ST8SIA5: variants seen among roughly 807,000 people sequenced by gnomAD.
The protein encoded by ST8SIA5 is ST8 alpha-N-acetyl-neuraminide alpha-2,8-sialyltransferase 5.
A neutral mutation model predicts 40.2 loss-of-function variants in ST8SIA5; 24 were observed. That is an observed-to-expected ratio of 0.60 (90% confidence interval 0.43 to 0.84). The LOEUF (loss-of-function observed/expected upper bound fraction) is 0.84, where lower values mean the gene tolerates loss of function less well. ST8SIA5 is among the 40% of genes least tolerant of loss of function. ST8SIA5 has a pLI of 0.00. For missense variants in ST8SIA5, 465 were observed against 498.5 expected, an observed-to-expected ratio of 0.93 and a Z score of 0.64; for synonymous variants, 198 against 201.8, an observed-to-expected ratio of 0.98 and a Z score of 0.16.
intron 1 of ST8SIA5, among the ~76,000 whole-genome samples, chr18:46,745,332 G>GA (rs1223087542): frequency 2.0e-5 from 3 of 150,492 alleles, no homozygotes; most frequent in Non-Finnish European, 4.4e-5. Flanking sequence ...AACCAATAAA[G>GA]AAAAAAAAGA....
chr18:46,680,114 C>T lies in ST8SIA5; in HGVS notation c.1059G>A (p.Glu353=), dbSNP rs147438446. 544 of 1,614,184 alleles carry T rather than the reference C, an allele frequency of 3.4e-4. No homozygotes were observed. The highest frequency in any genetic ancestry group is 4.4e-4 in the Non-Finnish European group (516 of 1,180,040). ...PRPGFHAMPS[E]IFNFLHLHSR... is the part of the protein sequence containing the mutation. ...TGTGCAAGTGCAGGAAGTTGAAGAT[C>T]TCAGAGGGCATGGCGTGGAAGCCGG... is the stretch of plus-strand genomic sequence containing the variant. Residue 353 remains glutamate, a synonymous_variant, in exon 7 of 7, where the codon GAG becomes GAA. Coordinates refer to ENST00000315087, the MANE Select transcript of ST8SIA5 (RefSeq NM_013305.6).
intron 1 of ST8SIA5, chr18:46,723,303 G>C: frequency 6.6e-6 from 1 of 152,454 alleles, no homozygotes. Context: ...TATAATCCCA[G>C]CACTTTGGGA....
intron 1 of ST8SIA5, among the ~76,000 whole-genome samples, chr18:46,719,481 T>C (rs1157754597): frequency 6.6e-6 from 1 of 151,972 alleles, no homozygotes; most frequent in African/African-American, 2.4e-5. Context: ...GTGAGGGCTA[T>C]GAGAAGTTAC....
chr18:46,743,738 A>C (rs1364942531), intron 1 of ST8SIA5, among the ~76,000 whole-genome samples: 1 of 149,102 alleles, frequency 6.7e-6, no homozygotes, highest in Non-Finnish European at 1.5e-5. Context: ...CTCCTTGAGA[A>C]GAGCAACCCC....
At chr18:46,732,101 C>G (rs1422247915) in intron 1 of ST8SIA5, among the ~76,000 whole-genome samples, 5 of 152,188 alleles carry the variant, frequency 3.3e-5, no homozygotes, top group Non-Finnish European at 7.4e-5. Context: ...TTTCCCAGTT[C>G]TTAAAGGTTG....
In ST8SIA5 at chr18:46,670,808, T is replaced by C; in HGVS notation, c.*9234A>G. 1 of 152,154 alleles carries C rather than the reference T, an allele frequency of 6.6e-6. No individual in the cohort carries two copies. Among genetic ancestry groups the C allele is most frequent in the Admixed American group, 6.5e-5 (1 of 15,286 alleles). 9.4% of individuals were successfully genotyped at this position (152,154 alleles called of 1,614,324 possible). A position where few individuals can be genotyped will look rare whatever the true frequency, so the allele number is the denominator to read the frequency against. The stretch of plus-strand genomic sequence containing the variant: ...CGTTGAACAAGTAAACTAGTTTTGG[T>C]CTTCTTAATGCCATCACAATTTAGG... On this transcript the variant is annotated 3_prime_UTR_variant, in exon 7 of 7. Coordinates refer to ENST00000315087, the MANE Select transcript of ST8SIA5 (RefSeq NM_013305.6).
At chr18:46,690,095 G>A (rs992960708) in intron 3 of ST8SIA5, among the ~76,000 whole-genome samples, 3 of 152,192 alleles carry the variant, frequency 2.0e-5, no homozygotes, top group African/African-American at 7.2e-5. Flanking sequence ...AGCTTTGCTA[G>A]TTCAGAAGCT....
In ST8SIA5 at chr18:46,670,757, T is replaced by G. The variant is rs570245377; in HGVS notation, c.*9285A>C. ...ATATTTTCTTATCCTTAATGTAGTG[T>G]TTTTTTTTTTCCAAAGACAAGCTGT... On this transcript the variant is annotated 3_prime_UTR_variant, in exon 7 of 7. Transcript: ENST00000315087. 3.3e-4 allele frequency: 40 copies of G among 122,070 alleles called. No homozygotes were observed. The highest frequency in any genetic ancestry group is 1.1e-3 in the Admixed American group (13 of 12,244). 7.6% of individuals were successfully genotyped at this position (122,070 alleles called of 1,614,324 possible). A position where few individuals can be genotyped will look rare whatever the true frequency, so the allele number is the denominator to read the frequency against.
intron 2 of ST8SIA5, among the ~76,000 whole-genome samples, chr18:46,699,138 G>A (rs975273627): frequency 6.6e-6 from 1 of 152,224 alleles, no homozygotes; most frequent in South Asian, 2.1e-4. Flanking sequence ...ACGCATGGAT[G>A]ACAGAAGCGA....
chr18:46,699,533 C>A (rs1310332600), intron 2 of ST8SIA5, among the ~76,000 whole-genome samples: 1 of 152,076 alleles, frequency 6.6e-6, no homozygotes, highest in Non-Finnish European at 1.5e-5. Flanking sequence ...GCGCCTGCTA[C>A]TACGCCTGGC....
At chr18:46,717,555 C>G (rs1333771039) in intron 1 of ST8SIA5, among the ~76,000 whole-genome samples, 3 of 152,052 alleles carry the variant, frequency 2.0e-5, no homozygotes, top group African/African-American at 7.2e-5. Context: ...CTTTTTATAC[C>G]TCACCCCCAC....
chr18:46,754,287 A>G (rs2040221462), intron 1 of ST8SIA5, among the ~76,000 whole-genome samples: 1 of 152,038 alleles, frequency 6.6e-6, no homozygotes, highest in Non-Finnish European at 1.5e-5. Context: ...TTGGATGTGC[A>G]TGCCCCCTGC....
At position 46,673,750 on chromosome 18, in the gene ST8SIA5, T is replaced by C. The variant is rs757425155; in HGVS notation, c.*6292A>G. On this transcript the variant is annotated 3_prime_UTR_variant, in exon 7 of 7. Transcript: ENST00000315087. ...ACTGTAGATCTATCCAGTCTACCCT[T>C]TGAAGATCACACTGGTTTATTAGGA... 2.0e-5 allele frequency: 3 copies of C among 152,144 alleles called. No homozygotes were observed. The highest frequency in any genetic ancestry group is 4.8e-5 in the African/African-American group (2 of 41,442). 9.4% of individuals were successfully genotyped at this position (152,144 alleles called of 1,614,324 possible).
chr18:46,756,182 C>A (rs913965476), intron 1 of ST8SIA5, among the ~76,000 whole-genome samples, 196 bp downstream of exon 1: 1 of 152,204 alleles, frequency 6.6e-6, no homozygotes, highest in Non-Finnish European at 1.5e-5. Flanking sequence ...GACCCTCCAG[C>A]CAGCGCTGGG....
chr18:46,756,922 C>A lies in ST8SIA5; in HGVS notation c.-414G>T, dbSNP rs73434915. The A allele has an allele frequency of 0.23, 42,245 of 182,546 alleles. 5,680 individuals are homozygous for A. Among genetic ancestry groups the A allele is most frequent in the African/African-American group, 0.38 (15,888 of 41,852 alleles). 11.3% of individuals were successfully genotyped at this position (182,546 alleles called of 1,614,324 possible). A position where few individuals can be genotyped will look rare whatever the true frequency, so the allele number is the denominator to read the frequency against. On this transcript the variant is annotated 5_prime_UTR_variant, in exon 1 of 7. Transcript: ENST00000315087. The stretch of plus-strand genomic sequence containing the variant: ...CCGTCCCCTGTGCGCCCCAGCGCGC[C>A]GCGCATCGACCCCTCCAGTCCGGCG...
intron 1 of ST8SIA5, among the ~76,000 whole-genome samples, chr18:46,737,519 A>C (rs1029646099): frequency 1.3e-5 from 2 of 152,152 alleles, no homozygotes; most frequent in African/African-American, 4.8e-5. Flanking sequence ...CTTCGTATGA[A>C]TCCATCCATT....
intron 1 of ST8SIA5, among the ~76,000 whole-genome samples, chr18:46,713,823 G>A (rs2039757906): frequency 6.6e-6 from 1 of 152,202 alleles, no homozygotes; most frequent in African/African-American, 2.4e-5. Flanking sequence ...AGGGAGAAGG[G>A]AACAGATGCC....
intron 1 of ST8SIA5, among the ~76,000 whole-genome samples, chr18:46,706,651 G>A (rs1325415058): frequency 6.6e-6 from 1 of 152,210 alleles, no homozygotes; most frequent in African/African-American, 2.4e-5. Flanking sequence ...CTGTACTACA[G>A]AGGGAGGAAA....
intron 1 of ST8SIA5, among the ~76,000 whole-genome samples, chr18:46,707,925 C>T (rs995187573): frequency 1.3e-5 from 2 of 152,222 alleles, no homozygotes; most frequent in African/African-American, 2.4e-5. Context: ...GTGAGCAATA[C>T]ATTTCTGTTG....
Sources: allele counts gnomAD v4.1 joint callset (sites outside exome capture counted in the v4.1 genomes callset), GRCh38; gene constraint gnomAD v4.1.1; transcripts MANE v1.5; gene names NCBI Gene and HGNC (gene_info 2026-07-23, HGNC 2026-07-21).